ARV1: variants seen among roughly 807,000 people sequenced by gnomAD.
ARV1 encodes ARV1 fatty acid homeostasis modulator.
ARV1 carries 26 observed loss-of-function variants against 31.1 expected under a neutral mutation model. The observed-to-expected ratio is 0.84, with a 90% CI of 0.61 to 1.16. ARV1 has a LOEUF of 1.16. Among genes scored for constraint, ARV1 ranks in the 50% most tolerant of loss-of-function variants. The probability of loss-of-function intolerance (pLI) is 0.00; values close to 1 mark genes in which losing one functional copy is unlikely to be tolerated. For missense variants in ARV1, 281 were observed against 324.9 expected (o/e 0.86, Z 1.04); for synonymous variants, 117 against 123.2 (o/e 0.95, Z 0.34).
chr1:230,999,951 T>G (rs772078292), intron 5 of ARV1, 187 bp from the exon 6 acceptor site: 1 of 152,230 alleles, frequency 6.6e-6, no homozygotes, highest in African/African-American at 2.4e-5. Context: ...TACTTATCTA[T>G]GTCTGTCTGG....
chr1:230,986,855 C>T (rs1210519146), intron 1 of ARV1, among the ~76,000 whole-genome samples: 4 of 151,988 alleles, frequency 2.6e-5, no homozygotes, highest in South Asian at 2.1e-4. Flanking sequence ...TCCATCTTAG[C>T]ACTTCTCACA....
At chr1:230,996,297 G>A (rs564583620) in intron 4 of ARV1, among the ~76,000 whole-genome samples, 44 of 152,264 alleles carry the variant, frequency 2.9e-4, no homozygotes, top group Admixed American at 2.0e-3. Flanking sequence ...TGGCTTGTCC[G>A]ACGTTACATG....
chr1:230,995,844 T>C lies in ARV1; in HGVS notation c.533T>C (p.Leu178Ser). 6.2e-7 allele frequency: 1 copy of C among 1,614,212 alleles called. No individual in the cohort carries two copies. Among genetic ancestry groups the C allele is most frequent in the South Asian group, 1.1e-5 (1 of 91,088 alleles). ...GCAAAAAAAAAGCCCAACTTCATTTTGCTGCTGAAAGCATTATTATTATCT... is the reference window on the plus strand; with the variant it reads ...GCAAAAAAAAAGCCCAACTTCATTTCGCTGCTGAAAGCATTATTATTATCT... Reference protein sequence around the residue: ...MTAKKKPNFILLLKALLLSSY... With the variant: ...MTAKKKPNFISLLKALLLSSY... Residue 178 changes from leucine (L) to serine (S), a missense_variant, in exon 4 of 6, where the codon TTG becomes TCG. Physicochemically the swap from Leu to Ser is moderately radical, Grantham distance 145. Transcript: ENST00000310256.
At chr1:230,989,976 C>T (rs1160718564) in intron 2 of ARV1, 134 bp from the exon 3 acceptor site, 10 of 860,726 alleles carry the variant, frequency 1.2e-5, no homozygotes, top group African/African-American at 1.7e-5. Context: ...AAAATGACTA[C>T]AATTAGCCAC....
chr1:230,991,631 CTT>C (rs35843547), intron 3 of ARV1, among the ~76,000 whole-genome samples: 8 of 132,998 alleles, frequency 6.0e-5, no homozygotes, highest in Admixed American at 1.6e-4. Flanking sequence ...AGTACTTCTA[CTT>C]TTTTTTTTTT....
intron 1 of ARV1, 77 bp from the exon 2 acceptor site, chr1:230,988,243 C>T: frequency 7.6e-7 from 1 of 1,319,930 alleles, no homozygotes; most frequent in Non-Finnish European, 1.1e-6. Flanking sequence ...CCAAAATAGA[C>T]TCTGCTGTTT....
chr1:230,984,356 G>T (rs1425877823), intron 1 of ARV1, among the ~76,000 whole-genome samples: 1 of 67,674 alleles, frequency 1.5e-5, no homozygotes, highest in Non-Finnish European at 2.9e-5. Context: ...GTGTGTGTGT[G>T]TGTGTGCGTG....
chr1:230,998,500 A>T (rs889695397), intron 5 of ARV1, among the ~76,000 whole-genome samples: 2 of 152,098 alleles, frequency 1.3e-5, no homozygotes, highest in African/African-American at 4.8e-5. Context: ...GCCTATGCAC[A>T]GCTCTTCATT....
intron 3 of ARV1, among the ~76,000 whole-genome samples, chr1:230,991,772 CA>C (rs1679234381): frequency 1.3e-5 from 2 of 152,032 alleles, no homozygotes; most frequent in Admixed American, 6.6e-5. Context: ...GCTGGGATTA[CA>C]GGCACGTGCC....
Position 230,988,343 on chromosome 1 carries a change from C to G in ARV1, c.198C>G (p.Asp66Glu), listed in dbSNP as rs751550789. The G allele has an allele frequency of 6.3e-7, 1 of 1,594,826 alleles. No individual in the cohort carries two copies. Among genetic ancestry groups the G allele is most frequent in the South Asian group, 1.1e-5 (1 of 89,442 alleles). Residue 66 changes from aspartate (D) to glutamate (E), a missense_variant, in exon 2 of 6, where the codon GAC becomes GAG. Coordinates refer to ENST00000310256, the MANE Select transcript of ARV1 (RefSeq NM_022786.3). ...AGAAATCCTGCCAGAAACCTGTAGA[C>G]AAATATATCGAGTATGATCCTGTTA... is the stretch of plus-strand genomic sequence containing the variant. Reference protein sequence around the residue: ...TICKSCQKPVDKYIEYDPVII... With the variant: ...TICKSCQKPVEKYIEYDPVII...
At chr1:230,997,433 G>A (rs1679401877) in intron 5 of ARV1, among the ~76,000 whole-genome samples, 166 bp downstream of exon 5, 1 of 151,932 alleles carries the variant, frequency 6.6e-6, no homozygotes, top group Non-Finnish European at 1.5e-5. Flanking sequence ...TGGCCCCCAG[G>A]GGTCTTCACT....
intron 1 of ARV1, among the ~76,000 whole-genome samples, chr1:230,987,131 C>T (rs1489742957): frequency 1.3e-5 from 2 of 152,174 alleles, no homozygotes; most frequent in Admixed American, 6.5e-5. Context: ...GAACCACAAG[C>T]ACTGCAGTAC....
At chr1:230,996,096 C>T (rs1679358295) in intron 4 of ARV1, 112 bp downstream of exon 4, 7 of 795,082 alleles carry the variant, frequency 8.8e-6, no homozygotes, top group Admixed American at 2.7e-5. Context: ...AATTCTTCAT[C>T]GCATAGTAAT....
intron 1 of ARV1, 181 bp downstream of exon 1, chr1:230,979,460 C>T (rs973071934): frequency 2.9e-6 from 2 of 691,280 alleles, no homozygotes; most frequent in Non-Finnish European, 4.6e-6. Flanking sequence ...TTTTCTCATA[C>T]TGGGGCATAT....
At chr1:230,990,439 T>A (rs1679197942) in intron 3 of ARV1, among the ~76,000 whole-genome samples, 176 bp downstream of exon 3, 1 of 152,236 alleles carries the variant, frequency 6.6e-6, no homozygotes, top group African/African-American at 2.4e-5. Flanking sequence ...TTGAATCACC[T>A]GCTTTTTAAA....
Position 230,990,175 on chromosome 1 carries a change from A to G in ARV1, c.360A>G (p.Gln120=), listed in dbSNP as rs751344521. The G allele has an allele frequency of 1.0e-4, 165 of 1,613,190 alleles. No homozygotes were observed. Among genetic ancestry groups the G allele is most frequent in the Non-Finnish European group, 1.4e-4 (160 of 1,179,882 alleles). ...CATACCTGAGGTGGTGGCAGCTTCA[A>G]GATTCCAACCAGAATACTGCCCCTG... ...CEAYLRWWQL[Q]DSNQNTAPDD... is the part of the protein sequence containing the mutation. The change falls in exon 3 of 6, where the codon CAA becomes CAG. Residue 120 remains glutamine (Q), a synonymous_variant. Transcript: ENST00000310256.
At chr1:230,996,896 G>A (rs1162395133) in intron 4 of ARV1, among the ~76,000 whole-genome samples, 1 of 152,062 alleles carries the variant, frequency 6.6e-6, no homozygotes, top group Non-Finnish European at 1.5e-5. Context: ...GGAATCTGCC[G>A]CTTGATATGA....
chr1:230,979,998 AC>A (rs1678809789), intron 1 of ARV1, among the ~76,000 whole-genome samples: 1 of 152,184 alleles, frequency 6.6e-6, no homozygotes, highest in African/African-American at 2.4e-5. Flanking sequence ...CACAGAATAG[AC>A]AGTACATTTT....
chr1:231,000,038 G>T (rs1342145538), intron 5 of ARV1, 100 bp from the exon 6 acceptor site: 1 of 152,154 alleles, frequency 6.6e-6, no homozygotes, highest in African/African-American at 2.4e-5. Context: ...CATGCCTTGG[G>T]TTCCTTTGTA....
Sources: allele counts gnomAD v4.1 joint callset (sites outside exome capture counted in the v4.1 genomes callset), GRCh38; gene constraint gnomAD v4.1.1; transcripts MANE v1.5; gene names NCBI Gene and HGNC (gene_info 2026-07-23, HGNC 2026-07-21).